The following PTPRQ variants were observed in gnomAD, a reference collection of about 807,000 sequenced individuals.
PTPRQ encodes phosphatidylinositol phosphatase PTPRQ.
In PTPRQ, 199 loss-of-function variants were observed where a neutral mutation model predicts 246.0. The ratio of observed to expected loss-of-function variants is 0.81; its 90% CI spans 0.72 to 0.91. The LOEUF (loss-of-function observed/expected upper bound fraction) is 0.91, where lower values mean the gene tolerates loss of function less well. Among genes scored for constraint, PTPRQ ranks in the 40% least tolerant of loss-of-function variants. The pLI is 0.00. For missense variants in PTPRQ, 2,624 were observed against 2,528.4 expected (o/e 1.04, Z -0.81); for synonymous variants, 869 against 853.2 (o/e 1.02, Z -0.32).
chr12:80,629,727 T>C (rs919879326), intron 33 of PTPRQ, among the ~76,000 whole-genome samples: 1 of 152,112 alleles, frequency 6.6e-6, no homozygotes, highest in African/African-American at 2.4e-5. Flanking sequence ...TGCTTGTATG[T>C]TGAAAATAGG....
intron 25 of PTPRQ, among the ~76,000 whole-genome samples, chr12:80,560,612 A>C (rs1456527739): frequency 2.0e-5 from 3 of 152,232 alleles, no homozygotes; most frequent in Non-Finnish European, 4.4e-5. Context: ...AAAATTAAAA[A>C]AAATTTGGAC....
At chr12:80,463,269 G>A (rs1030577252) in intron 6 of PTPRQ, among the ~76,000 whole-genome samples, 7 of 152,198 alleles carry the variant, frequency 4.6e-5, no homozygotes, top group South Asian at 2.1e-4. Flanking sequence ...GGGTATCAGC[G>A]ATGGAAGATG....
At chr12:80,637,559 G>A (rs940566213) in intron 35 of PTPRQ, among the ~76,000 whole-genome samples, 1 of 152,062 alleles carries the variant, frequency 6.6e-6, no homozygotes, top group Non-Finnish European at 1.5e-5. Context: ...TAATTCCAAT[G>A]GCACATAATA....
chr12:80,498,810 T>A (rs1225878818), intron 14 of PTPRQ, among the ~76,000 whole-genome samples: 2 of 152,106 alleles, frequency 1.3e-5, no homozygotes, highest in African/African-American at 4.8e-5. Context: ...GGCCATAGCA[T>A]CAAGAACACC....
Position 80,647,702 on chromosome 12 carries a change from A to G in PTPRQ, c.5916-1195A>G, listed in dbSNP as rs1436417589. Among the ~76,000 whole-genome samples the G allele has an allele frequency of 1.3e-5, 2 of 152,110 alleles. 1 individual carries two copies. The highest frequency in any genetic ancestry group is 3.8e-4 in the East Asian group (2 of 5,196). ...TCAGCCATCTCCATATCCATCTAGA[A>G]TAAGGAATTCTTTCTTGCTTTCTTT... On this transcript the variant is annotated intron_variant, in intron 35 of 44. Transcript: ENST00000644991.
chr12:80,463,599 G>A (rs1486480931), intron 6 of PTPRQ, among the ~76,000 whole-genome samples: 1 of 151,968 alleles, frequency 6.6e-6, no homozygotes, highest in African/African-American at 2.4e-5. Context: ...AGGAAAAAAT[G>A]TTAAGGGCAG....
At chr12:80,506,809 T>C (rs1266889284) in intron 16 of PTPRQ, 139 bp downstream of exon 16, 2 of 587,384 alleles carry the variant, frequency 3.4e-6, no homozygotes, top group Admixed American at 4.3e-5. Flanking sequence ...AGAGATTTCA[T>C]TGTCATGGTA....
chr12:80,540,554 C>T (rs1247260149), intron 20 of PTPRQ, among the ~76,000 whole-genome samples: 1 of 152,014 alleles, frequency 6.6e-6, no homozygotes, highest in African/African-American at 2.4e-5. Flanking sequence ...CATCCATTTG[C>T]TTATTTTCAA....
chr12:80,630,931 G>T (rs1772305695), intron 33 of PTPRQ, among the ~76,000 whole-genome samples: 1 of 152,120 alleles, frequency 6.6e-6, no homozygotes, highest in African/African-American at 2.4e-5. Flanking sequence ...TGGCCAGGTT[G>T]TCTCGAACTC....
chr12:80,612,485 A>G (rs556907406), intron 28 of PTPRQ, among the ~76,000 whole-genome samples: 4 of 150,546 alleles, frequency 2.7e-5, no homozygotes, highest in East Asian at 3.9e-4. Context: ...ATTATTGTCT[A>G]TGTACTAGAA....
chr12:80,583,029 T>A lies in PTPRQ; in HGVS notation c.4286-5100T>A, dbSNP rs1017641447. On this transcript the variant is annotated intron_variant, in intron 25 of 44. Coordinates refer to ENST00000644991, the MANE Select transcript of PTPRQ (RefSeq NM_001145026.2). ...CATCTCCTTGTAGACCCAGCAGCCT[T>A]CATTAAGTGTTTTCAATGTGTGACA... Among the ~76,000 whole-genome samples, 3 of 152,190 alleles carry A rather than the reference T, an allele frequency of 2.0e-5. No individual in the cohort carries two copies. The East Asian group carries it at 5.8e-4, about 29-fold the overall frequency.
At chr12:80,529,850 G>A (rs1002605117) in intron 17 of PTPRQ, among the ~76,000 whole-genome samples, 8 of 151,754 alleles carry the variant, frequency 5.3e-5, no homozygotes, top group African/African-American at 1.2e-4. Context: ...AAAAAGCTTC[G>A]AAACCTATTC....
intron 14 of PTPRQ, among the ~76,000 whole-genome samples, chr12:80,505,118 A>G (rs1227188799): frequency 3.3e-5 from 5 of 151,832 alleles, no homozygotes; most frequent in Non-Finnish European, 7.4e-5. Context: ...CCAGGGTTTT[A>G]TAGTCTTTCT....
rs552667526 is a variant in PTPRQ, at chr12:80,514,402, A to ACACACACACACTCTCTCT, written c.2678+3960_2678+3961insACACACACACTCTCTCTC. On this transcript the variant is annotated intron_variant, in intron 17 of 44. Transcript: ENST00000644991. ...CACACACACACACACACACACACAC[A>ACACACACACACTCTCTCT]CTCTCTCTCTCTCTCTCTGCTTTAA... Among the ~76,000 whole-genome samples the ACACACACACACTCTCTCT allele has an allele frequency of 2.5e-3, 283 of 113,014 alleles. 4 individuals are homozygous for ACACACACACACTCTCTCT. The highest frequency in any genetic ancestry group is 0.019 in the South Asian group (59 of 3,086). 74.1% of individuals were successfully genotyped at this position (113,014 alleles called of 152,430 possible). A position where few individuals can be genotyped will look rare whatever the true frequency, so the allele number is the denominator to read the frequency against.
At chr12:80,666,272 G>A (rs1900784019) in intron 39 of PTPRQ, among the ~76,000 whole-genome samples, 2 of 151,974 alleles carry the variant, frequency 1.3e-5, no homozygotes, top group South Asian at 2.1e-4. Flanking sequence ...GTGGCAATAT[G>A]GATGAGCTTG....
At chr12:80,668,944 C>A (rs966907139) in intron 39 of PTPRQ, 63 bp from the exon 40 acceptor site, 8 of 1,460,382 alleles carry the variant, frequency 5.5e-6, no homozygotes, top group South Asian at 3.0e-5. Flanking sequence ...ATGCATTGAT[C>A]GAAAACTAAA....
At chr12:80,651,168 T>G (rs1193055363) in intron 37 of PTPRQ, among the ~76,000 whole-genome samples, 2 of 152,078 alleles carry the variant, frequency 1.3e-5, no homozygotes, top group African/African-American at 4.8e-5. Flanking sequence ...TCTACTTTAT[T>G]AAATTATGAA....
intron 33 of PTPRQ, among the ~76,000 whole-genome samples, chr12:80,626,204 T>C (rs1160747532): frequency 1.3e-5 from 2 of 152,286 alleles, no homozygotes; most frequent in East Asian, 1.9e-4. Flanking sequence ...AGGAAGATTG[T>C]ATTTTGTTAA....
At chr12:80,467,550 A>T (rs1893470058) in intron 6 of PTPRQ, among the ~76,000 whole-genome samples, 1 of 152,220 alleles carries the variant, frequency 6.6e-6, no homozygotes, top group South Asian at 2.1e-4. Context: ...ATAAAGACAC[A>T]TGCACACATA....
Sources: allele counts gnomAD v4.1 joint callset (sites outside exome capture counted in the v4.1 genomes callset), GRCh38; gene constraint gnomAD v4.1.1; transcripts MANE v1.5; gene names NCBI Gene and HGNC (gene_info 2026-07-23, HGNC 2026-07-21).